Variants in KIF21B observed in about 807,000 individuals in gnomAD.
KIF21B encodes the protein kinesin-like protein KIF21B.
KIF21B carries 85 observed loss-of-function variants against 192.9 expected under a neutral mutation model. That is an observed-to-expected ratio of 0.44 (90% CI 0.37 to 0.53). The LOEUF is 0.53. KIF21B is among the 20% of genes least tolerant of loss of function. KIF21B has a pLI of 0.00. For synonymous variants in KIF21B, 832 were observed against 884.6 expected, an observed-to-expected ratio of 0.94 and a Z score of 1.05; for missense variants, 1,716 against 2,194.8, an observed-to-expected ratio of 0.78 and a Z score of 4.36.
Position 201,005,438 on chromosome 1 carries a change from A to C in KIF21B, c.602T>G (p.Ile201Ser). ...CAGGGCCCCCTGCTTCAGGCACTGG[A>C]TCAGCTGGAAACAGAAGCAGAAGTG... ...SRLIHSQEEL[I>S]QCLKQGALSR... Residue 201 changes from isoleucine (I) to serine (S), a missense_variant, in exon 5 of 35, where the codon ATC becomes AGC. Around this residue, in one of 3 missense-constraint regions of KIF21B, gnomAD observed 1,087 missense variants for 1,316.6 expected, o/e 0.83. Coordinates refer to ENST00000461742, the MANE Select transcript of KIF21B (RefSeq NM_001252102.2). The C allele has an allele frequency of 1.9e-6, 3 of 1,606,582 alleles. No homozygotes were observed. The South Asian group carries it at 3.3e-5, about 18-fold the overall frequency.
intron 30 of KIF21B, 49 bp downstream of exon 30, chr1:200,979,486 A>G (rs368013929): frequency 5.5e-6 from 8 of 1,457,548 alleles, no homozygotes; most frequent in African/African-American, 1.4e-5. Context: ...TCTGTACCCA[A>G]CACAGCCTGC....
chr1:201,007,937 A>G (rs1355966062), intron 3 of KIF21B, among the ~76,000 whole-genome samples: 1 of 152,216 alleles, frequency 6.6e-6, no homozygotes, highest in African/African-American at 2.4e-5. Flanking sequence ...GGGGCAAAGA[A>G]AACCTCCAAA....
Position 201,008,842 on chromosome 1 carries a change from G to C in KIF21B, c.374C>G (p.Ala125Gly), listed in dbSNP as rs779319005. The change falls in exon 3 of 35, where the codon GCC (alanine) becomes GGC (glycine). Residue 125 changes from alanine to glycine, a missense_variant. Coordinates refer to ENST00000461742, the MANE Select transcript of KIF21B (RefSeq NM_001252102.2). ...CTCCTGTGCCCGGCGCTTGCGCTCGGCAATGCCCCCAAAGAGGTGTGCGAT... is the reference window on the plus strand; with the variant it reads ...CTCCTGTGCCCGGCGCTTGCGCTCGCCAATGCCCCCAAAGAGGTGTGCGAT... Reference protein sequence around the residue: ...RAIAHLFGGIAERKRRAQEQG... With the variant: ...RAIAHLFGGIGERKRRAQEQG... 1 of 1,609,494 alleles carries C rather than the reference G, an allele frequency of 6.2e-7. No homozygotes were observed. Among genetic ancestry groups the C allele is most frequent in the Non-Finnish European group, 8.5e-7 (1 of 1,179,980 alleles).
At chr1:201,012,031 G>A (rs1265674841) in intron 1 of KIF21B, among the ~76,000 whole-genome samples, 1 of 152,234 alleles carries the variant, frequency 6.6e-6, no homozygotes, top group Non-Finnish European at 1.5e-5. Context: ...AAGACAGTGG[G>A]CAGAACAGTC....
In KIF21B at chr1:200,975,675, G is replaced by C. The variant is rs1011555478; in HGVS notation, c.4444-6C>G. On this transcript the variant is annotated splice_polypyrimidine_tract_variant and splice_region_variant and intron_variant, in intron 32 of 34. Coordinates refer to ENST00000461742, the MANE Select transcript of KIF21B (RefSeq NM_001252102.2). The surrounding 1 kb of genome is among the most constrained non-coding windows in gnomAD (Gnocchi z 4.3). ...CACTCGCCCAGCTCGAACATCTGTG[G>C]GAGGAGGGGCCAGTAGGGAGAGGCC... 6.2e-7 allele frequency: 1 copy of C among 1,604,840 alleles called. No homozygotes were observed. The highest frequency in any genetic ancestry group is 1.3e-5 in the African/African-American group (1 of 74,808).
chr1:201,002,559 T>C (rs1042710084), intron 8 of KIF21B: 21 of 513,942 alleles, frequency 4.1e-5, no homozygotes, highest in Admixed American at 6.6e-5. Context: ...CAATAAAAAG[T>C]CCAAATTTTG....
rs140654082 is a variant in KIF21B, at chr1:201,000,416, C to T, written c.1659G>A (p.Lys553=). ...RAKQDLERLK[K]KEVRQRRKSP... ...TCTTCCTCCGCTGCCTGACCTCCTT[C>T]TTCTTTAGCCGCTCCAGGTCCTGCT... The change falls in exon 11 of 35, where the codon AAG becomes AAA. Residue 553 remains lysine (K), a synonymous_variant. Coordinates refer to ENST00000461742, the MANE Select transcript of KIF21B (RefSeq NM_001252102.2). This position sits in a 1 kb window ranked among gnomAD's most constrained non-coding sequence, Gnocchi z 6.0. 613 of 1,561,218 alleles carry T rather than the reference C, an allele frequency of 3.9e-4. 1 individual carries two copies. The African/African-American group carries it at 7.6e-3, about 19-fold the overall frequency.
Position 200,988,835 on chromosome 1 carries a change from G to A in KIF21B, c.3229C>T (p.Leu1077=), listed in dbSNP as rs1344961293. The change falls in exon 22 of 35, where the codon CTG becomes TTG. Residue 1077 remains leucine (L), a synonymous_variant. Coordinates refer to ENST00000461742, the MANE Select transcript of KIF21B (RefSeq NM_001252102.2). ...MAGSSQNHLL[L]DALREKAEAH... ...TCAGCCTTCTCACGCAGGGCGTCCAGGAGCAGATGGTTCTGGGAGGAGCCT... is the reference window on the plus strand; with the variant it reads ...TCAGCCTTCTCACGCAGGGCGTCCAAGAGCAGATGGTTCTGGGAGGAGCCT... The A allele has an allele frequency of 6.2e-7, 1 of 1,613,502 alleles. No homozygotes were observed. The highest frequency in any genetic ancestry group is 1.7e-5 in the Admixed American group (1 of 59,950).
chr1:200,989,966 GT>G lies in KIF21B; in HGVS notation c.3107del (p.Asn1036ThrfsTer27). ...SLAEARLLLD[N>X]FLKASIDKGL... ...CCTTGTCAATGGATGCCTTGAGGAA[GT>G]TGTCTAGCAGGAGGCGGGCTTCAGC... is the stretch of plus-strand genomic sequence containing the variant. On this transcript the variant is annotated frameshift_variant, in exon 21 of 35. Transcript: ENST00000461742. LOFTEE classifies it high-confidence loss of function. The G allele has an allele frequency of 6.2e-7, 1 of 1,614,048 alleles. No individual in the cohort carries two copies.
chr1:200,976,242 C>T (rs1018802960), intron 32 of KIF21B, among the ~76,000 whole-genome samples: 25 of 152,146 alleles, frequency 1.6e-4, no homozygotes, highest in African/African-American at 6.0e-4. Context: ...AGGCGCCCGA[C>T]ACCATGCCTG....
At chr1:200,974,218 C>T in intron 34 of KIF21B, 1 of 1,527,714 alleles carries the variant, frequency 6.5e-7, no homozygotes, top group South Asian at 1.3e-5. Flanking sequence ...GAGGCGAGGA[C>T]AGAGAGGAGA....
chr1:200,987,597 C>A (rs986384276), intron 24 of KIF21B, among the ~76,000 whole-genome samples: 53 of 152,134 alleles, frequency 3.5e-4, no homozygotes, highest in Non-Finnish European at 6.5e-4. Context: ...AGGTAGAGGA[C>A]CTGATGGAAG....
intron 21 of KIF21B, among the ~76,000 whole-genome samples, 173 bp from the exon 22 acceptor site, chr1:200,989,104 C>T (rs1656507292): frequency 6.6e-6 from 1 of 152,180 alleles, no homozygotes; most frequent in South Asian, 2.1e-4. Flanking sequence ...CTCCCACATA[C>T]ACACATTAAG....
intron 28 of KIF21B, among the ~76,000 whole-genome samples, chr1:200,981,715 C>G (rs571908279): frequency 6.6e-6 from 1 of 152,160 alleles, no homozygotes; most frequent in Non-Finnish European, 1.5e-5. Context: ...CTGGCATTTA[C>G]GAAGGGCTAA....
chr1:201,005,585 G>C lies in KIF21B; in HGVS notation c.557C>G (p.Thr186Ser), dbSNP rs1462024814. 6.2e-7 allele frequency: 1 copy of C among 1,614,102 alleles called. No individual in the cohort carries two copies. Among genetic ancestry groups the C allele is most frequent in the African/African-American group, 1.3e-5 (1 of 74,940 alleles). Reference protein sequence around the residue: ...IHEDANGGIYTTGVTSRLIHS... With the variant: ...IHEDANGGIYSTGVTSRLIHS... ...GATGAGGCGAGAAGTGACGCCAGTG[G>C]TGTAGATGCCACCGTTTGCGTCCTC... Residue 186 changes from threonine (T) to serine (S), a missense_variant, in exon 4 of 35, where the codon ACC becomes AGC. Coordinates refer to ENST00000461742, the MANE Select transcript of KIF21B (RefSeq NM_001252102.2).
chr1:201,008,681 C>T, intron 3 of KIF21B, 88 bp downstream of exon 3: 1 of 1,233,538 alleles, frequency 8.1e-7, no homozygotes, highest in Non-Finnish European at 1.1e-6. Flanking sequence ...TCCCAGGACT[C>T]ATTCCACTGC....
At position 200,974,182 on chromosome 1, in the gene KIF21B, T is replaced by G. The variant is rs550707586; in HGVS notation, c.4814+532A>C. ...GTCCAGGGACGTAATTCCACAACTT[T>G]ACCCGGCAGTCACTGTGTGGGGAGA... On this transcript the variant is annotated intron_variant, in intron 34 of 34. Coordinates refer to ENST00000461742, the MANE Select transcript of KIF21B (RefSeq NM_001252102.2). The G allele has an allele frequency of 7.1e-6, 11 of 1,556,216 alleles. No individual in the cohort carries two copies. The South Asian group carries it at 1.1e-4, about 16-fold the overall frequency.
At chr1:201,020,108 G>A (rs1218779944) in intron 1 of KIF21B, among the ~76,000 whole-genome samples, 2 of 151,914 alleles carry the variant, frequency 1.3e-5, no homozygotes, top group East Asian at 1.9e-4. Flanking sequence ...GCCAAGCACC[G>A]CCAAGCAGAC....
At chr1:200,974,993 G>GC in intron 33 of KIF21B, 80 bp from the exon 34 acceptor site, 1 of 1,426,756 alleles carries the variant, frequency 7.0e-7, no homozygotes, top group Non-Finnish European at 9.7e-7. Flanking sequence ...CTTGCTAGTA[G>GC]TGGAGCTACT....
Sources: allele counts gnomAD v4.1 joint callset (sites outside exome capture counted in the v4.1 genomes callset), GRCh38; gene constraint gnomAD v4.1.1; regional missense constraint gnomAD v4.1.1; non-coding constraint Gnocchi (gnomAD v3.1); transcripts MANE v1.5; gene names NCBI Gene and HGNC (gene_info 2026-07-23, HGNC 2026-07-21).